The following PLEKHG4B variants were observed in gnomAD, a reference collection of about 807,000 sequenced individuals.
The protein encoded by PLEKHG4B is pleckstrin homology and RhoGEF domain containing G4B.
Under a neutral mutation model 121.3 loss-of-function variants are expected in PLEKHG4B, and 111 were observed. The ratio of observed to expected loss-of-function variants is 0.92; its 90% CI spans 0.78 to 1.07. PLEKHG4B has a LOEUF of 1.07. PLEKHG4B is among the 50% of genes least tolerant of loss of function. The pLI is 0.00. For synonymous variants in PLEKHG4B, 738 were observed against 725.0 expected (o/e 1.02, Z -0.29); for missense variants, 1,831 against 1,757.8 (o/e 1.04, Z -0.74).
intron 2 of PLEKHG4B, among the ~76,000 whole-genome samples, chr5:130,449 G>A (rs1429693253): frequency 4.6e-5 from 7 of 152,000 alleles, no homozygotes; most frequent in Non-Finnish European, 1.0e-4. Flanking sequence ...ATCCCTTAAC[G>A]CCCCCCCATG....
intron 1 of PLEKHG4B, among the ~76,000 whole-genome samples, chr5:96,562 C>G (rs570525616): frequency 6.6e-6 from 1 of 152,216 alleles, no homozygotes; most frequent in East Asian, 1.9e-4. Context: ...TTCAAGGGTT[C>G]CTGAGTTTTC....
chr5:111,874 C>T (rs577515806), intron 1 of PLEKHG4B, among the ~76,000 whole-genome samples: 14 of 152,094 alleles, frequency 9.2e-5, no homozygotes, highest in African/African-American at 3.4e-4. Context: ...ATTCTGTCCC[C>T]GGCCTGAGAC....
Position 183,283 on chromosome 5 carries a change from T to C in PLEKHG4B, c.*960T>C, listed in dbSNP as rs924949385. On this transcript the variant is annotated 3_prime_UTR_variant, in exon 20 of 20. Coordinates refer to ENST00000637938, the MANE Select transcript of PLEKHG4B (RefSeq NM_052909.5). ...AGATGATCTAGGGGTTACCAAAGTGTCCACACCCTGCAAGGTAAACTCACA... is the reference window on the plus strand; with the variant it reads ...AGATGATCTAGGGGTTACCAAAGTGCCCACACCCTGCAAGGTAAACTCACA... 1 of 152,184 alleles carries C rather than the reference T, an allele frequency of 6.6e-6. No individual in the cohort carries two copies. The highest frequency in any genetic ancestry group is 2.4e-5 in the African/African-American group (1 of 41,434). The allele number at this position is 152,184 out of a possible 1,614,324, so 9.4% of individuals were successfully genotyped here. A position where few individuals can be genotyped will look rare whatever the true frequency, so the allele number is the denominator to read the frequency against.
chr5:162,938 G>A lies in PLEKHG4B; in HGVS notation c.2866G>A (p.Glu956Lys). ...QYPQTRLRLE[E>K]ALSEAAPDPS... ...CCCCCAGACCCGGCTCCGTCTGGAA[G>A]AGGCCCTTTCTGAGGCTGCCCCAGA... is the stretch of plus-strand genomic sequence containing the variant. The change falls in exon 13 of 20, where the codon GAG becomes AAG. Residue 956 changes from glutamate (E) to lysine (K), a missense_variant. Physicochemically the swap from Glu to Lys is moderately conservative, Grantham distance 56. Coordinates refer to ENST00000637938, the MANE Select transcript of PLEKHG4B (RefSeq NM_052909.5). The A allele has an allele frequency of 6.4e-7, 1 of 1,555,690 alleles. No homozygotes were observed. The highest frequency in any genetic ancestry group is 8.7e-7 in the Non-Finnish European group (1 of 1,151,202).
In PLEKHG4B at chr5:182,172, G is replaced by A; in HGVS notation, c.4733G>A (p.Gly1578Asp). 1 of 1,613,966 alleles carries A rather than the reference G, an allele frequency of 6.2e-7. No homozygotes were observed. Among genetic ancestry groups the A allele is most frequent in the Non-Finnish European group, 8.5e-7 (1 of 1,180,032 alleles). Residue 1578 changes from glycine (G) to aspartate (D), a missense_variant, in exon 20 of 20, where the codon GGC becomes GAC. By Grantham distance (94) the Gly-to-Asp change is moderately conservative. Coordinates refer to ENST00000637938, the MANE Select transcript of PLEKHG4B (RefSeq NM_052909.5). ...GTGTCCTCCAGCCCAGCCCACCCGG[G>A]CCTATGGAGCCCTGCCCACAGCCCC... is the stretch of plus-strand genomic sequence containing the variant. ...LLVSSSPAHP[G>D]LWSPAHSPWS...
Position 171,368 on chromosome 5 carries a change from C to G in PLEKHG4B, c.3974C>G (p.Ala1325Gly). ...GGGCAGGAGCTGGGCGAGCTCCGAG[C>G]CGCCGAGGTCGTGGTCTGCTTCCAG... ...AQGQELGELR[A>G]AEVVVCFQLR... The change falls in exon 16 of 20, where the codon GCC becomes GGC. Residue 1325 changes from alanine (A) to glycine (G), a missense_variant. By Grantham distance (60) the Ala-to-Gly change is moderately conservative. Transcript: ENST00000637938. The G allele has an allele frequency of 6.2e-7, 1 of 1,611,558 alleles. No homozygotes were observed. Among genetic ancestry groups the G allele is most frequent in the Non-Finnish European group, 8.5e-7 (1 of 1,179,814 alleles).
chr5:110,097 C>T lies in PLEKHG4B; in HGVS notation c.46-3154C>T, dbSNP rs995413730. 1.6e-4 allele frequency among the ~76,000 whole-genome samples: 24 copies of T among 149,694 alleles called. 1 individual carries two copies. The highest frequency in any genetic ancestry group is 5.7e-4 in the African/African-American group (23 of 40,538). On this transcript the variant is annotated intron_variant, in intron 1 of 19. Coordinates refer to ENST00000637938, the MANE Select transcript of PLEKHG4B (RefSeq NM_052909.5). ...TGCAACACACATGCACACACCTGTA[C>T]AATCTGCAACACACGTGCACGCACC...
intron 3 of PLEKHG4B, among the ~76,000 whole-genome samples, chr5:142,396 ACAC>A (rs958147370): frequency 6.6e-5 from 10 of 150,866 alleles, no homozygotes; most frequent in African/African-American, 2.4e-4. Context: ...GAATCACACA[ACAC>A]ACACAGTCAC....
rs1579296970 is a variant in PLEKHG4B at position 154,838 on chromosome 5, T to A, written c.1993-37T>A. Reference sequence around the variant, plus strand: ...ACAGTGTTTGCCCCCAAGAGATGCATCTGGAGCCATGACCAACGAGTGCCT... The same window carrying A: ...ACAGTGTTTGCCCCCAAGAGATGCAACTGGAGCCATGACCAACGAGTGCCT... On this transcript the variant is annotated intron_variant, in intron 7 of 19. Transcript: ENST00000637938. The A allele has an allele frequency of 6.6e-6, 10 of 1,512,992 alleles. No homozygotes were observed. In the South Asian group the frequency reaches 6.7e-5, roughly 10 times the overall value. 93.7% of individuals were successfully genotyped at this position (1,512,992 alleles called of 1,614,324 possible).
rs1346653112 is a variant in PLEKHG4B, at chr5:183,987, A to AGATAGATC, written c.*1667_*1668insAGATCGAT. On this transcript the variant is annotated 3_prime_UTR_variant, in exon 20 of 20. Coordinates refer to ENST00000637938, the MANE Select transcript of PLEKHG4B (RefSeq NM_052909.5). ...TATACAGACAGATAGATAGATAGAT[A>AGATAGATC]GATCGATAGATAGATAGATAGATAG... The AGATAGATC allele has an allele frequency of 6.2e-5, 5 of 81,060 alleles. No homozygotes were observed. The highest frequency in any genetic ancestry group is 4.0e-4 in the South Asian group (1 of 2,474). The allele number at this position is 81,060 out of a possible 1,614,324, so 5.0% of individuals were successfully genotyped here. A position where few individuals can be genotyped will look rare whatever the true frequency, so the allele number is the denominator to read the frequency against.
In PLEKHG4B at chr5:182,291, G is replaced by A; in HGVS notation, c.4852G>A (p.Ala1618Thr). Residue 1618 changes from alanine (A) to threonine (T), a missense_variant, in exon 20 of 20, where the codon GCT becomes ACT. Ala to Thr is a moderately conservative substitution (Grantham distance 58, BLOSUM62 0). Coordinates refer to ENST00000637938, the MANE Select transcript of PLEKHG4B (RefSeq NM_052909.5). ...TQAAVCEGAP[A>T]VLLSRTRQA is the part of the protein sequence containing the mutation. ...GGCTGCAGTGTGTGAGGGGGCTCCT[G>A]CTGTGCTGCTGAGCCGCACACGCCA... 1 of 1,611,076 alleles carries A rather than the reference G, an allele frequency of 6.2e-7. No individual in the cohort carries two copies. Among genetic ancestry groups the A allele is most frequent in the Non-Finnish European group, 8.5e-7 (1 of 1,179,352 alleles).
chr5:116,982 C>T (rs974110788), intron 2 of PLEKHG4B, among the ~76,000 whole-genome samples: 8 of 152,320 alleles, frequency 5.3e-5, no homozygotes, highest in African/African-American at 9.6e-5. Flanking sequence ...CGTCTGAAAA[C>T]GCGTGGCTGC....
chr5:144,898 C>G lies in PLEKHG4B; in HGVS notation c.1883C>G (p.Ser628Cys). 1.9e-6 allele frequency: 3 copies of G among 1,613,314 alleles called. No homozygotes were observed. Among genetic ancestry groups the G allele is most frequent in the Non-Finnish European group, 2.5e-6 (3 of 1,179,938 alleles). The change falls in exon 6 of 20, where the codon TCC (serine) becomes TGC (cysteine). Residue 628 changes from serine (S) to cysteine (C), a missense_variant. Transcript: ENST00000637938. ...ARRSPAAPAV[S>C]QALSGLQNNT... Reference sequence around the variant, plus strand: ...AGGAGTCCAGCTGCCCCTGCCGTCTCCCAGGCCCTCTCAGGATTGCAGGTA... The same window carrying G: ...AGGAGTCCAGCTGCCCCTGCCGTCTGCCAGGCCCTCTCAGGATTGCAGGTA...
intron 18 of PLEKHG4B, 48 bp downstream of exon 18, chr5:174,146 AG>A: frequency 2.2e-6 from 2 of 918,296 alleles, no homozygotes; most frequent in Non-Finnish European, 1.5e-6. Context: ...GGGCACAGCT[AG>A]GGGCAGGGGT....
chr5:133,918 ACACG>A lies in PLEKHG4B; in HGVS notation c.244-5561_244-5558del, dbSNP rs1347370410. ...CGAGTGGATAAAGAAAATGTGACACACACGCACACACACACACACACACATATAT... is the reference window on the plus strand; with the variant it reads ...CGAGTGGATAAAGAAAATGTGACACACACACACACACACACACACATATAT... On this transcript the variant is annotated intron_variant, in intron 2 of 19. Transcript: ENST00000637938. 2.3e-3 allele frequency among the ~76,000 whole-genome samples: 340 copies of A among 145,996 alleles called. 4 individuals carry two copies. Among genetic ancestry groups the A allele is most frequent in the African/African-American group, 8.3e-3 (321 of 38,622 alleles).
chr5:175,403 C>T (rs1417917623), intron 18 of PLEKHG4B, among the ~76,000 whole-genome samples: 5 of 152,100 alleles, frequency 3.3e-5, no homozygotes, highest in African/African-American at 1.2e-4. Context: ...ACAGCAACCA[C>T]CCCCCACCCC....
At chr5:142,867 C>T (rs1160108108) in intron 3 of PLEKHG4B, among the ~76,000 whole-genome samples, 180 bp from the exon 4 acceptor site, 4 of 152,202 alleles carry the variant, frequency 2.6e-5, no homozygotes, top group Non-Finnish European at 4.4e-5. Context: ...GTGATGACGC[C>T]GCATGCCCTG....
rs1188176958 is a variant in PLEKHG4B at position 165,641 on chromosome 5, T to C, written c.3476+2093T>C. On this transcript the variant is annotated intron_variant, in intron 13 of 19. Coordinates refer to ENST00000637938, the MANE Select transcript of PLEKHG4B (RefSeq NM_052909.5). ...GGCGGAGCTCACACTAATGCTCTGATGTGGCGGAGCTCACACTAATGCTCT... is the reference window on the plus strand; with the variant it reads ...GGCGGAGCTCACACTAATGCTCTGACGTGGCGGAGCTCACACTAATGCTCT... 6.1e-4 allele frequency among the ~76,000 whole-genome samples: 14 copies of C among 22,882 alleles called. 2 individuals carry two copies. The highest frequency in any genetic ancestry group is 1.0e-3 in the African/African-American group (6 of 5,874). 15.0% of individuals were successfully genotyped at this position (22,882 alleles called of 152,430 possible).
chr5:93,418 T>C (rs1733530113), intron 1 of PLEKHG4B, among the ~76,000 whole-genome samples: 1 of 152,124 alleles, frequency 6.6e-6, no homozygotes, highest in South Asian at 2.1e-4. Context: ...GATTCTGTGA[T>C]ATATTCAGCA....
Sources: allele counts gnomAD v4.1 joint callset (sites outside exome capture counted in the v4.1 genomes callset), GRCh38; gene constraint gnomAD v4.1.1; transcripts MANE v1.5; gene names NCBI Gene and HGNC (gene_info 2026-07-23, HGNC 2026-07-21).